ALCAM: variants seen among roughly 807,000 people sequenced by gnomAD.
ALCAM encodes the protein activated leukocyte cell adhesion molecule, also known as CD166 antigen.
In ALCAM, 30 loss-of-function variants were observed where a neutral mutation model predicts 70.9. That is an observed-to-expected ratio of 0.42 (90% CI 0.32 to 0.57). ALCAM has a LOEUF of 0.57. ALCAM is among the 20% of genes least tolerant of loss of function. ALCAM has a pLI of 0.11. For synonymous variants in ALCAM, 249 were observed against 242.5 expected, an observed-to-expected ratio of 1.03 and a Z score of -0.25; for missense variants, 591 against 695.1, an observed-to-expected ratio of 0.85 and a Z score of 1.68.
chr3:105,517,876 G>A (rs1371663216), intron 1 of ALCAM, among the ~76,000 whole-genome samples: 3 of 152,250 alleles, frequency 2.0e-5, no homozygotes, highest in East Asian at 3.9e-4. Flanking sequence ...AGTCATTTTA[G>A]TAGGTGCCCA....
intron 1 of ALCAM, among the ~76,000 whole-genome samples, chr3:105,481,140 T>C (rs980586444): frequency 6.6e-6 from 1 of 151,942 alleles, no homozygotes. Context: ...AAAAGTGAAA[T>C]GTATCTTTTA....
intron 15 of ALCAM, among the ~76,000 whole-genome samples, chr3:105,572,372 T>C (rs1165525281): frequency 2.0e-5 from 3 of 152,186 alleles, no homozygotes; most frequent in African/African-American, 4.8e-5. Context: ...CTGAGAATGA[T>C]GGTTTCCAGC....
intron 1 of ALCAM, among the ~76,000 whole-genome samples, chr3:105,497,969 T>G (rs567282074): frequency 6.6e-6 from 1 of 150,860 alleles, no homozygotes; most frequent in Non-Finnish European, 1.5e-5. Context: ...AGGCGGAGCT[T>G]GCAGTGAGCC....
At chr3:105,468,061 T>C (rs1166609106) in intron 1 of ALCAM, among the ~76,000 whole-genome samples, 1 of 151,210 alleles carries the variant, frequency 6.6e-6, no homozygotes, top group African/African-American at 2.4e-5. Flanking sequence ...ATGAAGGCAA[T>C]AAAATCATAA....
rs552169558 is a variant in ALCAM at position 105,395,905 on chromosome 3, C to A, written c.73+28424C>A. Among the ~76,000 whole-genome samples the A allele has an allele frequency of 1.4e-4, 22 of 152,090 alleles. No homozygotes were observed. In the East Asian group the frequency reaches 3.1e-3, roughly 22 times the overall value. On this transcript the variant is annotated intron_variant, in intron 1 of 15. Coordinates refer to ENST00000306107, the MANE Select transcript of ALCAM (RefSeq NM_001627.4). ...CAGCCCATGTCTCCTGGATTGAGTT[C>A]TCCTCCATTTAATAAACATAGTTTG...
chr3:105,525,010 A>G (rs1939660063), intron 3 of ALCAM: 1 of 928,048 alleles, frequency 1.1e-6, no homozygotes, highest in Non-Finnish European at 1.3e-6. Context: ...ATCCACATAT[A>G]TAAATATCCC....
intron 1 of ALCAM, among the ~76,000 whole-genome samples, chr3:105,390,764 A>AT (rs1411338600): frequency 6.6e-6 from 1 of 151,542 alleles, no homozygotes; most frequent in African/African-American, 2.4e-5. Flanking sequence ...TCTTGAGTTA[A>AT]TTTTGTCTGA....
intron 1 of ALCAM, among the ~76,000 whole-genome samples, chr3:105,430,521 A>G (rs532360649): frequency 6.6e-6 from 1 of 152,202 alleles, no homozygotes; most frequent in East Asian, 1.9e-4. Context: ...TTTTGGGAGG[A>G]AAACAACAGA....
chr3:105,401,009 A>G (rs957295630), intron 1 of ALCAM, among the ~76,000 whole-genome samples: 9 of 152,244 alleles, frequency 5.9e-5, no homozygotes, highest in African/African-American at 2.2e-4. Context: ...GACTCTTACT[A>G]TTAAAGAAAA....
chr3:105,420,995 C>T (rs759319482), intron 1 of ALCAM, among the ~76,000 whole-genome samples: 4 of 151,046 alleles, frequency 2.6e-5, no homozygotes, highest in Admixed American at 6.6e-5. Flanking sequence ...AAGTTAACTC[C>T]GGGGCAACTT....
At chr3:105,392,518 A>G (rs1455953867) in intron 1 of ALCAM, among the ~76,000 whole-genome samples, 1 of 151,528 alleles carries the variant, frequency 6.6e-6, no homozygotes, top group Non-Finnish European at 1.5e-5. Context: ...TATTATTTAA[A>G]AAAAATAGCT....
At chr3:105,517,322 C>T (rs182407348) in intron 1 of ALCAM, among the ~76,000 whole-genome samples, 1 of 152,120 alleles carries the variant, frequency 6.6e-6, no homozygotes, top group Admixed American at 6.6e-5. Context: ...ATCCAACTTA[C>T]TGCCACTCAT....
intron 14 of ALCAM, among the ~76,000 whole-genome samples, chr3:105,558,531 T>A (rs1216388578): frequency 2.0e-5 from 3 of 152,092 alleles, no homozygotes; most frequent in Admixed American, 6.6e-5. Context: ...TATTGTTCAG[T>A]TAAAGGCATA....
chr3:105,423,132 A>G lies in ALCAM; in HGVS notation c.73+55651A>G, dbSNP rs536318739. On this transcript the variant is annotated intron_variant, in intron 1 of 15. Coordinates refer to ENST00000306107, the MANE Select transcript of ALCAM (RefSeq NM_001627.4). Reference sequence around the variant, plus strand: ...TTCCTGTAATGTAGATGGTGAATCAAAGTCTTTAGAGTAAGAGTTTTATTG... The same window carrying G: ...TTCCTGTAATGTAGATGGTGAATCAGAGTCTTTAGAGTAAGAGTTTTATTG... 4.0e-5 allele frequency among the ~76,000 whole-genome samples: 6 copies of G among 151,528 alleles called. No homozygotes were observed. In the East Asian group the frequency reaches 1.2e-3, roughly 29 times the overall value.
At chr3:105,369,499 T>C (rs903441515) in intron 1 of ALCAM, among the ~76,000 whole-genome samples, 2 of 152,154 alleles carry the variant, frequency 1.3e-5, no homozygotes, top group African/African-American at 4.8e-5. Context: ...ATTGCCGAAA[T>C]TCTCATTGCA....
chr3:105,481,457 G>A (rs963332761), intron 1 of ALCAM, among the ~76,000 whole-genome samples: 3 of 152,078 alleles, frequency 2.0e-5, no homozygotes, highest in African/African-American at 7.2e-5. Flanking sequence ...CTGTTTTGAA[G>A]CATAGAACAT....
chr3:105,408,535 A>G (rs1936306065), intron 1 of ALCAM, among the ~76,000 whole-genome samples: 1 of 152,112 alleles, frequency 6.6e-6, no homozygotes, highest in African/African-American at 2.4e-5. Flanking sequence ...CTCTTACCTT[A>G]TACAAAAATC....
intron 1 of ALCAM, among the ~76,000 whole-genome samples, chr3:105,490,913 C>A (rs1369534840): frequency 6.6e-6 from 1 of 152,200 alleles, no homozygotes; most frequent in East Asian, 1.9e-4. Flanking sequence ...CCTCTTCTCA[C>A]AGTGCCCCAA....
intron 14 of ALCAM, among the ~76,000 whole-genome samples, chr3:105,560,659 A>G (rs1576242352): frequency 6.6e-6 from 1 of 152,178 alleles, no homozygotes; most frequent in African/African-American, 2.4e-5. Context: ...GAAACTTCTA[A>G]ACTTTGACAT....
Sources: allele counts gnomAD v4.1 joint callset (sites outside exome capture counted in the v4.1 genomes callset), GRCh38; gene constraint gnomAD v4.1.1; transcripts MANE v1.5; gene names NCBI Gene and HGNC (gene_info 2026-07-23, HGNC 2026-07-21).